The following PCK2 variants were observed in gnomAD, a reference collection of about 807,000 sequenced individuals.
The protein encoded by PCK2 is phosphoenolpyruvate carboxykinase 2, mitochondrial.
PCK2 carries 56 observed loss-of-function variants against 65.9 expected under a neutral mutation model. That is an observed-to-expected ratio of 0.85 (90% CI 0.69 to 1.06). PCK2 has a LOEUF of 1.06. Ranked by LOEUF, PCK2 falls within the 50% of genes least tolerant of loss-of-function variation. The probability of loss-of-function intolerance (pLI) is 0.00; values close to 1 mark genes in which losing one functional copy is unlikely to be tolerated. For synonymous variants in PCK2, 305 were observed against 319.6 expected (o/e 0.95, Z 0.49); for missense variants, 843 against 863.1 (o/e 0.98, Z 0.29).
At chr14:24,099,922 G>A in intron 6 of PCK2, 73 bp from the exon 7 acceptor site, 2 of 1,613,410 alleles carry the variant, frequency 1.2e-6, no homozygotes, top group Non-Finnish European at 1.7e-6. Flanking sequence ...GGTGGGTGGA[G>A]CAGGACCTTC....
At position 24,102,786 on chromosome 14, in the gene PCK2, G is replaced by A. The variant is rs371329992; in HGVS notation, c.1268G>A (p.Arg423Gln). ...GAGCCCTGTGCACATCCCAACTCTC[G>A]ATTTTGTGCCCCGGCTCGCCAGTGC... is the stretch of plus-strand genomic sequence containing the variant. ...DKEPCAHPNS[R>Q]FCAPARQCPI... is the part of the protein sequence containing the mutation. Residue 423 changes from arginine to glutamine, a missense_variant, in exon 8 of 10, where the codon CGA becomes CAA. Physicochemically the swap from Arg to Gln is conservative, Grantham distance 43 (BLOSUM62 1). Coordinates refer to ENST00000216780, the MANE Select transcript of PCK2 (RefSeq NM_004563.4). 45 of 1,613,820 alleles carry A rather than the reference G, an allele frequency of 2.8e-5. No individual in the cohort carries two copies. The highest frequency in any genetic ancestry group is 1.5e-4 in the South Asian group (14 of 91,078).
rs1403948989 is a variant in PCK2, at chr14:24,094,409, G to A, written c.4G>A (p.Ala2Thr). 6.4e-7 allele frequency: 1 copy of A among 1,560,048 alleles called. No homozygotes were observed. The highest frequency in any genetic ancestry group is 2.4e-5 in the East Asian group (1 of 40,968). The change falls in exon 1 of 10, where the codon GCC becomes ACC. Residue 2 changes from alanine (A) to threonine (T), a missense_variant. By Grantham distance (58) the Ala-to-Thr change is moderately conservative (BLOSUM62 0). Coordinates refer to ENST00000216780, the MANE Select transcript of PCK2 (RefSeq NM_004563.4). The surrounding 1 kb of genome is among the most constrained non-coding windows in gnomAD (Gnocchi z 4.1). MAALYRPGLRLN... is the reference protein window; with the variant it reads MTALYRPGLRLN... Reference sequence around the variant, plus strand: ...CCGCAGCCCCTGCCCAGGTGCCATGGCCGCATTGTACCGCCCTGGCCTGCG... The same window carrying A: ...CCGCAGCCCCTGCCCAGGTGCCATGACCGCATTGTACCGCCCTGGCCTGCG...
upstream of PCK2, chr14:24,094,279 T>A: frequency 1.1e-6 from 1 of 899,002 alleles, no homozygotes; most frequent in Non-Finnish European, 1.7e-6. This position sits in a 1 kb window ranked among gnomAD's most constrained non-coding sequence, Gnocchi z 4.1. Flanking sequence ...CCTGCCCCCC[T>A]CCTTTTTAAG....
At position 24,097,101 on chromosome 14, in the gene PCK2, A is replaced by T; in HGVS notation, c.239A>T (p.Gln80Leu). The change falls in exon 2 of 10, where the codon CAG becomes CTG. Residue 80 changes from glutamine (Q) to leucine (L), a missense_variant. Physicochemically the swap from Gln to Leu is moderately radical, Grantham distance 113. Coordinates refer to ENST00000216780, the MANE Select transcript of PCK2 (RefSeq NM_004563.4). Reference sequence around the variant, plus strand: ...GCCACACTGACCCTGCTGGAGCAGCAGGGCCTCATCCGAAAGCTCCCCAAG... The same window carrying T: ...GCCACACTGACCCTGCTGGAGCAGCTGGGCCTCATCCGAAAGCTCCCCAAG... ...NTATLTLLEQ[Q>L]GLIRKLPKYN... is the part of the protein sequence containing the mutation. The T allele has an allele frequency of 6.2e-7, 1 of 1,613,998 alleles. No individual in the cohort carries two copies. The highest frequency in any genetic ancestry group is 8.5e-7 in the Non-Finnish European group (1 of 1,179,936).
rs757239220 is a variant in PCK2 at position 24,094,369 on chromosome 14, C to G, written c.-37C>G. On this transcript the variant is annotated 5_prime_UTR_variant, in exon 1 of 10. Coordinates refer to ENST00000216780, the MANE Select transcript of PCK2 (RefSeq NM_004563.4). This position sits in a 1 kb window ranked among gnomAD's most constrained non-coding sequence, Gnocchi z 4.1. ...CCTTCCATACCTCCCCGGCTCCGCT[C>G]GGTTCCTGGCCACCCCGCAGCCCCT... is the stretch of plus-strand genomic sequence containing the variant. The G allele has an allele frequency of 2.0e-6, 3 of 1,533,722 alleles. No individual in the cohort carries two copies. The highest frequency in any genetic ancestry group is 2.4e-5 in the South Asian group (2 of 84,004).
In PCK2 at chr14:24,104,017, AAGGC is replaced by A; in HGVS notation, c.*55_*58del. On this transcript the variant is annotated 3_prime_UTR_variant, in exon 10 of 10. Coordinates refer to ENST00000216780, the MANE Select transcript of PCK2 (RefSeq NM_004563.4). ...ATAGCACCCTCATCTGGGAATAGGG[AAGGC>A]ACCTTGCAGAAAATATGAGCAATTT... The A allele has an allele frequency of 3.0e-6, 4 of 1,335,870 alleles. No homozygotes were observed. Among genetic ancestry groups the A allele is most frequent in the Non-Finnish European group, 4.3e-6 (4 of 936,954 alleles). 82.8% of individuals were successfully genotyped at this position (1,335,870 alleles called of 1,614,324 possible). A position where few individuals can be genotyped will look rare whatever the true frequency, so the allele number is the denominator to read the frequency against.
intron 2 of PCK2, among the ~76,000 whole-genome samples, chr14:24,097,376 C>A (rs2036933919): frequency 6.7e-6 from 1 of 149,470 alleles, no homozygotes; most frequent in South Asian, 2.1e-4. Flanking sequence ...CATGGAGAAA[C>A]CCCGTCTCTA....
chr14:24,102,239 G>C (rs2037190609), intron 7 of PCK2, among the ~76,000 whole-genome samples: 1 of 152,118 alleles, frequency 6.6e-6, no homozygotes, highest in Non-Finnish European at 1.5e-5. Context: ...AAAATAAAAA[G>C]ATAAAATAAA....
rs1388080384 is a variant in PCK2, at chr14:24,100,228, G to A, written c.1234+15G>A. 1 of 1,613,804 alleles carries A rather than the reference G, an allele frequency of 6.2e-7. No homozygotes were observed. Among genetic ancestry groups the A allele is most frequent in the Non-Finnish European group, 8.5e-7 (1 of 1,179,870 alleles). On this transcript the variant is annotated intron_variant, in intron 7 of 9. Coordinates refer to ENST00000216780, the MANE Select transcript of PCK2 (RefSeq NM_004563.4). ...CTGGAAACCTGGTATGTGCGGTGGG[G>A]AAGGTGTGGCACAGCCTCCAGGCCT... is the stretch of plus-strand genomic sequence containing the variant.
At position 24,096,899 on chromosome 14, in the gene PCK2, T is replaced by C. The variant is rs754697483; in HGVS notation, c.37T>C (p.Trp13Arg). 3.8e-5 allele frequency: 61 copies of C among 1,612,686 alleles called. 1 individual carries two copies. The South Asian group carries it at 6.4e-4, about 17-fold the overall frequency. The change falls in exon 2 of 10, where the codon TGG (tryptophan) becomes CGG (arginine). Residue 13 changes from tryptophan to arginine, a missense_variant. Physicochemically the swap from Trp to Arg is moderately radical, Grantham distance 101. Transcript: ENST00000216780. ...CCTCTGTTTCTCCTATAGGCTTAAC[T>C]GGCATGGGCTGAGCCCCTTGGGCTG... ...ALYRPGLRLN[W>R]HGLSPLGWPS...
At position 24,103,160 on chromosome 14, in the gene PCK2, G is replaced by A; in HGVS notation, c.1373G>A (p.Gly458Glu). Reference sequence around the variant, plus strand: ...GTGACTCTGTTCATTGGTGATCTAGGGGTACCCCTGGTATACGAGGCCTTC... The same window carrying A: ...GTGACTCTGTTCATTGGTGATCTAGAGGTACCCCTGGTATACGAGGCCTTC... ...AIIFGGRRPK[G>E]VPLVYEAFNW... Residue 458 changes from glycine (G) to glutamate (E), a missense_variant and splice_region_variant, in exon 9 of 10, where the codon GGG (glycine) becomes GAG (glutamate). Transcript: ENST00000216780. The A allele has an allele frequency of 6.2e-7, 1 of 1,612,256 alleles. No homozygotes were observed. Among genetic ancestry groups the A allele is most frequent in the Non-Finnish European group, 8.5e-7 (1 of 1,178,264 alleles).
chr14:24,094,585 C>A lies in PCK2; in HGVS notation c.29+151C>A, dbSNP rs557189332. On this transcript the variant is annotated intron_variant, in intron 1 of 9. Coordinates refer to ENST00000216780, the MANE Select transcript of PCK2 (RefSeq NM_004563.4). This position sits in a 1 kb window ranked among gnomAD's most constrained non-coding sequence, Gnocchi z 4.1. ...GGCGACTGCTGTGGGTCCAGCCTCCCGCGCCGCGCGTCTCTTGGGAGGGCA... is the reference window on the plus strand; with the variant it reads ...GGCGACTGCTGTGGGTCCAGCCTCCAGCGCCGCGCGTCTCTTGGGAGGGCA... The A allele has an allele frequency of 4.8e-5, 70 of 1,451,232 alleles. 1 individual carries two copies. In the African/African-American group the frequency reaches 8.7e-4, roughly 18 times the overall value. The allele number at this position is 1,451,232 out of a possible 1,614,324, so 89.9% of individuals were successfully genotyped here. A position where few individuals can be genotyped will look rare whatever the true frequency, so the allele number is the denominator to read the frequency against.
chr14:24,103,352 T>C, intron 9 of PCK2, 97 bp downstream of exon 9: 1 of 1,177,764 alleles, frequency 8.5e-7, no homozygotes, highest in Non-Finnish European at 1.2e-6. Context: ...ACCCCTGGAG[T>C]CTGATATGGC....
intron 9 of PCK2, 69 bp downstream of exon 9, chr14:24,103,324 C>A: frequency 7.4e-7 from 1 of 1,345,662 alleles, no homozygotes; most frequent in Non-Finnish European, 1.1e-6. Flanking sequence ...CTTCCTGAGC[C>A]AGACCTTCCT....
intron 2 of PCK2, among the ~76,000 whole-genome samples, chr14:24,097,958 CTT>C (rs113313039): frequency 2.1e-5 from 3 of 145,388 alleles, no homozygotes; most frequent in African/African-American, 2.5e-5. Context: ...AGATCCTTTG[CTT>C]TTTTTTTTTT....
Position 24,096,874 on chromosome 14 carries a change from C to T in PCK2, c.30-18C>T. The T allele has an allele frequency of 6.2e-7, 1 of 1,604,214 alleles. No homozygotes were observed. The highest frequency in any genetic ancestry group is 1.3e-5 in the African/African-American group (1 of 74,908). On this transcript the variant is annotated intron_variant, in intron 1 of 9. Coordinates refer to ENST00000216780, the MANE Select transcript of PCK2 (RefSeq NM_004563.4). ...CTCGATGACAGCAACTAGCTCATTG[C>T]CTCTGTTTCTCCTATAGGCTTAACT...
At chr14:24,103,301 A>G in intron 9 of PCK2, 46 bp downstream of exon 9, 1 of 1,466,048 alleles carries the variant, frequency 6.8e-7, no homozygotes, top group Non-Finnish European at 9.5e-7. Context: ...TGCACACAGC[A>G]CGTCCTCTCT....
At position 24,103,500 on chromosome 14, in the gene PCK2, T is replaced by G; in HGVS notation, c.1469-10T>G. Reference sequence around the variant, plus strand: ...AGGAAGATTCCTTACCCATCTTGCTTCCCCCCCAGGGAAGATCATCATGCA... The same window carrying G: ...AGGAAGATTCCTTACCCATCTTGCTGCCCCCCCAGGGAAGATCATCATGCA... On this transcript the variant is annotated splice_polypyrimidine_tract_variant and intron_variant, in intron 9 of 9. Transcript: ENST00000216780. The G allele has an allele frequency of 6.5e-7, 1 of 1,534,376 alleles. No individual in the cohort carries two copies.
chr14:24,097,700 TCTC>T (rs1204881358), intron 2 of PCK2, among the ~76,000 whole-genome samples: 1 of 151,826 alleles, frequency 6.6e-6, no homozygotes, highest in East Asian at 1.9e-4. Context: ...CTCAAGCAAT[TCTC>T]CTGCCTCAGC....
Sources: allele counts gnomAD v4.1 joint callset (sites outside exome capture counted in the v4.1 genomes callset), GRCh38; gene constraint gnomAD v4.1.1; non-coding constraint Gnocchi (gnomAD v3.1); transcripts MANE v1.5; gene names NCBI Gene and HGNC (gene_info 2026-07-23, HGNC 2026-07-21).